The following KIAA1210 variants were observed in gnomAD, a reference collection of about 807,000 sequenced individuals.
The protein encoded by KIAA1210 is acrosomal protein KIAA1210.
KIAA1210 carries 48 observed loss-of-function variants against 78.9 expected under a neutral mutation model. The observed-to-expected ratio is 0.61, with a 90% confidence interval of 0.48 to 0.77. The LOEUF is 0.77. Ranked by LOEUF, KIAA1210 falls within the 30% of genes least tolerant of loss-of-function variation. KIAA1210 has a pLI of 0.00. For missense variants in KIAA1210, 1,108 were observed against 1,100.0 expected, an observed-to-expected ratio of 1.01 and a Z score of -0.10; for synonymous variants, 406 against 404.5, an observed-to-expected ratio of 1.00 and a Z score of -0.04.
chrX:119,096,717 G>A (rs374489126), intron 6 of KIAA1210, 26 bp from the exon 7 acceptor site: 58 of 1,102,108 alleles, frequency 5.3e-5, no homozygotes, highest in African/African-American at 3.5e-4. Flanking sequence ...GAAAATAGAC[G>A]AGTCAACCCG....
At chrX:119,119,772 G>A (rs1928388042) in intron 2 of KIAA1210, among the ~76,000 whole-genome samples, 1 of 110,162 alleles carries the variant, frequency 9.1e-6, no homozygotes. Flanking sequence ...GTCAGGAGGT[G>A]GAGACCATTC....
intron 6 of KIAA1210, 24 bp downstream of exon 6, chrX:119,104,968 A>G (rs1393524916): frequency 8.4e-7 from 1 of 1,192,087 alleles, no homozygotes; most frequent in African/African-American, 1.8e-5. Flanking sequence ...AGGCCCCTCA[A>G]CCTGTCCCTT....
At chrX:119,126,609 C>T (rs959886514) in intron 1 of KIAA1210, among the ~76,000 whole-genome samples, 3 of 112,118 alleles carry the variant, frequency 2.7e-5, no homozygotes, top group Non-Finnish European at 5.6e-5. Flanking sequence ...CCTCTCCACT[C>T]CAATAACCAT....
At chrX:119,122,279 A>G (rs184505474) in intron 2 of KIAA1210, among the ~76,000 whole-genome samples, 17 of 107,246 alleles carry the variant, frequency 1.6e-4, no homozygotes, top group African/African-American at 5.5e-4. Flanking sequence ...CGTGTTGACC[A>G]GGCTGGTCTT....
rs1361412825 is a variant in KIAA1210, at chrX:119,127,771, G to A, written c.-55C>T. Among the ~76,000 whole-genome samples the A allele has an allele frequency of 1.8e-5, 2 of 112,000 alleles. No individual in the cohort carries two copies. The highest frequency in any genetic ancestry group is 6.5e-5 in the African/African-American group (2 of 30,793). Reference sequence around the variant, plus strand: ...TCTATTCTCGTGAGCTCTCCAATCAGGCTTCCAAACTGAACTGCTTCCAAG... The same window carrying A: ...TCTATTCTCGTGAGCTCTCCAATCAAGCTTCCAAACTGAACTGCTTCCAAG... On this transcript the variant is annotated 5_prime_UTR_variant, in exon 1 of 12. Transcript: ENST00000691062.
At chrX:119,140,390 G>A (rs957713533) in intron 2 of KIAA1210, among the ~76,000 whole-genome samples, 8 of 109,670 alleles carry the variant, frequency 7.3e-5, no homozygotes, top group Middle Eastern at 4.7e-3. Flanking sequence ...TTAGCCGGGT[G>A]TGGTGGCATG....
chrX:119,140,671 G>A (rs1929029190), intron 2 of KIAA1210, among the ~76,000 whole-genome samples: 1 of 111,160 alleles, frequency 9.0e-6, no homozygotes, highest in Admixed American at 9.6e-5. Flanking sequence ...GCAAACAGAA[G>A]CCATTTCTGT....
rs1928273935 is a variant in KIAA1210 at position 119,116,589 on chromosome X, T to C, written c.137A>G (p.Gln46Arg). 1 of 1,209,334 alleles carries C rather than the reference T, an allele frequency of 8.3e-7. No individual in the cohort carries two copies. ...KKKEKEAEDT[Q>R]EEEMLELSLS... ...GCTCAGTTCTAGCATTTCTTCTTCC[T>C]GGGTATCTTCGGCTTCTTTTTCCTT... The change falls in exon 3 of 12, where the codon CAG (glutamine) becomes CGG (arginine). Residue 46 changes from glutamine to arginine, a missense_variant. Gln to Arg is a conservative substitution (Grantham distance 43, BLOSUM62 1). Coordinates refer to ENST00000691062, the MANE Select transcript of KIAA1210 (RefSeq NM_001394962.1).
chrX:119,116,975 C>G (rs1928289585), intron 2 of KIAA1210, among the ~76,000 whole-genome samples: 1 of 112,406 alleles, frequency 8.9e-6, no homozygotes, highest in Non-Finnish European at 1.9e-5. Context: ...CAGCTATTAA[C>G]ATATACACCT....
At chrX:119,119,847 G>C (rs1219122866) in intron 2 of KIAA1210, among the ~76,000 whole-genome samples, 2 of 109,983 alleles carry the variant, frequency 1.8e-5, no homozygotes, top group South Asian at 4.0e-4. Context: ...GCGGTGGCAG[G>C]TGCCTGTAGT....
intron 1 of KIAA1210, among the ~76,000 whole-genome samples, chrX:119,125,643 GAA>G (rs1928605646): frequency 1.1e-5 from 1 of 91,689 alleles, no homozygotes; most frequent in East Asian, 3.5e-4. Flanking sequence ...CTCCTTGGCT[GAA>G]GAGATCCTCC....
rs760389680 is a variant in KIAA1210, at chrX:119,086,794, C to T, written c.3908G>A (p.Arg1303Gln). 4.1e-6 allele frequency: 5 copies of T among 1,210,785 alleles called. No homozygotes were observed. The highest frequency in any genetic ancestry group is 2.3e-4 in the Middle Eastern group (1 of 4,353). ...CTGCGAGGGAGGGGCTCTTTTCAGT[C>T]GAACTCCAAAAAGCTTTTCAACATC... ...QDDVEKLFGV[R>Q]LKRAPPSQKY... Residue 1303 changes from arginine (R) to glutamine (Q), a missense_variant, in exon 9 of 12, where the codon CGA (arginine) becomes CAA (glutamine). Arg to Gln is a conservative substitution (Grantham distance 43). Coordinates refer to ENST00000691062, the MANE Select transcript of KIAA1210 (RefSeq NM_001394962.1).
intron 2 of KIAA1210, among the ~76,000 whole-genome samples, chrX:119,120,046 G>A (rs1928409095): frequency 9.1e-6 from 1 of 110,041 alleles, no homozygotes; most frequent in African/African-American, 3.3e-5. Flanking sequence ...GTTAGTGCCT[G>A]CACTCCCAGC....
intron 2 of KIAA1210, among the ~76,000 whole-genome samples, chrX:119,123,116 T>C (rs954270417): frequency 8.9e-6 from 1 of 112,501 alleles, no homozygotes; most frequent in Non-Finnish European, 1.9e-5. Context: ...TCATAGATTG[T>C]GCCACAATTT....
chrX:119,092,578 G>A (rs867784614), intron 8 of KIAA1210, among the ~76,000 whole-genome samples: 16 of 110,394 alleles, frequency 1.4e-4, no homozygotes, highest in South Asian at 7.7e-4. Context: ...TGGCTAACAC[G>A]GTGAAACTCC....
intron 2 of KIAA1210, among the ~76,000 whole-genome samples, chrX:119,142,099 G>A (rs951957848): frequency 8.9e-6 from 1 of 112,006 alleles, no homozygotes; most frequent in African/African-American, 3.2e-5. Context: ...TGTGATCTTG[G>A]GCAAGACACT....
rs1305939774 is a variant in KIAA1210, at chrX:119,087,895, T to C, written c.2807A>G (p.Asp936Gly). The stretch of plus-strand genomic sequence containing the variant: ...GGGAAGCAGCTGCTCCTTAGAAATG[T>C]CCTCTTCAACAGTAGTGCTTTCTGG... ...AHPESTTVEE[D>G]ISKEQLLPRH... Residue 936 changes from aspartate to glycine, a missense_variant, in exon 9 of 12, where the codon GAC becomes GGC. Transcript: ENST00000691062. 8.3e-7 allele frequency: 1 copy of C among 1,211,836 alleles called. No homozygotes were observed. Among genetic ancestry groups the C allele is most frequent in the Non-Finnish European group, 1.1e-6 (1 of 895,455 alleles).
intron 2 of KIAA1210, among the ~76,000 whole-genome samples, chrX:119,135,899 C>T (rs1158497160): frequency 9.0e-6 from 1 of 110,949 alleles, no homozygotes; most frequent in Non-Finnish European, 1.9e-5. Flanking sequence ...ACTAAAAATA[C>T]AAAAATTAGC....
At position 119,079,176 on chromosome X, in the gene KIAA1210, A is replaced by G. The variant is rs1413267311; in HGVS notation, c.*2153T>C. 8.9e-6 allele frequency: 1 copy of G among 112,494 alleles called. No individual in the cohort carries two copies. Among genetic ancestry groups the G allele is most frequent in the Non-Finnish European group, 1.9e-5 (1 of 53,320 alleles). The allele number at this position is 112,494 out of a possible 1,213,427, so 9.3% of individuals were successfully genotyped here. On this transcript the variant is annotated 3_prime_UTR_variant, in exon 12 of 12. Coordinates refer to ENST00000691062, the MANE Select transcript of KIAA1210 (RefSeq NM_001394962.1). ...CATTATACCAGCATCAACAAAACCC[A>G]GCACCAAGTGTTTAGCTCTGACACC...
Sources: gnomAD v4.1 joint callset for allele counts (sites outside exome capture counted in the v4.1 genomes callset) on GRCh38, gnomAD v4.1.1 for gene constraint, MANE v1.5 for transcripts, NCBI Gene and HGNC (gene_info 2026-07-23, HGNC 2026-07-21) for gene names.